INCA1: variants seen among roughly 807,000 people sequenced by gnomAD.
INCA1 encodes the protein inhibitor of CDK, cyclin A1 interacting protein 1, also known as protein INCA1.
Under a neutral mutation model 25.7 loss-of-function variants are expected in INCA1, and 28 were observed. The observed-to-expected ratio is 1.09, with a 90% CI of 0.81 to 1.49. The LOEUF is 1.49. Ranked by LOEUF, INCA1 falls within the 40% of genes most tolerant of loss-of-function variation. INCA1 has a pLI of 0.00. For missense variants in INCA1, 309 were observed against 290.9 expected (o/e 1.06, Z -0.45); for synonymous variants, 111 against 103.6 (o/e 1.07, Z -0.43).
chr17:4,993,483 T>C (rs1351921294), intron 2 of INCA1, among the ~76,000 whole-genome samples: 1 of 152,066 alleles, frequency 6.6e-6, no homozygotes, highest in African/African-American at 2.4e-5. Flanking sequence ...CGGCCTTTTT[T>C]TTTGAGACGG....
intron 2 of INCA1, among the ~76,000 whole-genome samples, chr17:4,991,620 A>G (rs1048030485): frequency 6.6e-6 from 1 of 152,022 alleles, no homozygotes; most frequent in Non-Finnish European, 1.5e-5. Context: ...CTCTGTCTTC[A>G]TCTCTTCTTA....
At chr17:4,994,362 C>T in intron 2 of INCA1, 32 bp downstream of exon 2, 1 of 1,609,430 alleles carries the variant, frequency 6.2e-7, no homozygotes, top group Non-Finnish European at 8.5e-7. Context: ...TCCATCCCAT[C>T]CCCATGCTCC....
intron 2 of INCA1, among the ~76,000 whole-genome samples, chr17:4,990,848 A>G (rs1227839383): frequency 6.7e-6 from 1 of 149,528 alleles, no homozygotes; most frequent in East Asian, 2.0e-4. Flanking sequence ...GCGCCATTGC[A>G]CTCCAGCTTG....
Position 4,994,368 on chromosome 17 carries a change from G to C in INCA1, c.44+26C>G. 4 of 1,610,800 alleles carry C rather than the reference G, an allele frequency of 2.5e-6. No homozygotes were observed. The South Asian group carries it at 3.3e-5, about 13-fold the overall frequency. ...AATATCCCCTCCATCCCATCCCCAT[G>C]CTCCCCACCCAGTGGGAGGACTCAC... On this transcript the variant is annotated intron_variant, in intron 2 of 6. Transcript: ENST00000576820.
intron 1 of INCA1, among the ~76,000 whole-genome samples, chr17:4,995,634 A>T (rs191217750): frequency 1.2e-4 from 17 of 146,284 alleles, no homozygotes; most frequent in South Asian, 2.1e-4. Flanking sequence ...ATCTCTATTT[A>T]AAAAAAAAAA....
intron 2 of INCA1, among the ~76,000 whole-genome samples, chr17:4,991,519 A>C (rs986721300): frequency 3.9e-5 from 6 of 152,212 alleles, no homozygotes; most frequent in Non-Finnish European, 7.3e-5. Flanking sequence ...ACTGCTCGTC[A>C]CTTCCAAACC....
exon 5 of INCA1, chr17:4,989,470 T>G (rs1973672377): frequency 6.2e-7 from 1 of 1,613,992 alleles, no homozygotes; most frequent in African/African-American, 1.3e-5. Context: ...CTCCAGGTGG[T>G]AAGTGACAGC....
intron 1 of INCA1, 109 bp from the exon 2 acceptor site, chr17:4,994,584 G>T: frequency 1.4e-6 from 1 of 722,738 alleles, no homozygotes; most frequent in South Asian, 1.5e-5. Context: ...GAGGTCAGGA[G>T]TTCAAGACCA....
rs779878021 is a variant in INCA1 at position 4,989,430 on chromosome 17, G to A, written c.393C>T (p.Asn131=). The change falls in exon 5 of 7, where the codon AAC becomes AAT. Residue 131 remains asparagine (N), a splice_region_variant and synonymous_variant. Transcript: ENST00000576820. ...ACCCAGATGTCTCCCTTCCTTACTC[G>A]TTGATGATGCTCTGACGCCTTCTTA... 10 of 1,611,284 alleles carry A rather than the reference G, an allele frequency of 6.2e-6. No individual in the cohort carries two copies. The Admixed American group carries it at 6.7e-5, about 11-fold the overall frequency.
exon 2 of INCA1, chr17:4,994,424 T>C (rs1227590078): frequency 6.2e-7 from 1 of 1,613,772 alleles, no homozygotes; most frequent in Admixed American, 1.7e-5. Flanking sequence ...GACTCCATCA[T>C]CCTGCACCTG....
intron 2 of INCA1, 105 bp from the exon 3 acceptor site, chr17:4,990,370 A>T (rs1165072540): frequency 7.5e-7 from 1 of 1,330,694 alleles, no homozygotes; most frequent in African/African-American, 1.5e-5. Flanking sequence ...AAAGCTGCCC[A>T]GGTTCCCTCG....
chr17:4,994,372 C>G, intron 2 of INCA1, 22 bp downstream of exon 2: 2 of 1,612,568 alleles, frequency 1.2e-6, no homozygotes, highest in Non-Finnish European at 1.7e-6. Context: ...CCCCATGCTC[C>G]CCACCCAGTG....
upstream of INCA1, chr17:4,997,251 G>A (rs1214651640): frequency 6.6e-6 from 1 of 152,252 alleles, no homozygotes; most frequent in African/African-American, 2.4e-5. Context: ...AGCCCCGCCC[G>A]AGGGCACGAC....
Position 4,995,217 on chromosome 17 carries a change from A to G in INCA1, c.-38-742T>C, listed in dbSNP as rs535044043. Among the ~76,000 whole-genome samples the G allele has an allele frequency of 7.7e-3, 1,177 of 152,056 alleles. 16 individuals carry two copies. The highest frequency in any genetic ancestry group is 0.028 in the African/African-American group (1,142 of 41,496). On this transcript the variant is annotated intron_variant, in intron 1 of 6. Coordinates refer to ENST00000576820, the Ensembl canonical transcript of INCA1. ...AGACTCTGTCTCAAAAAAAAAAAAAAGGTATTTGTAGTGCTGGACTGTTAA... is the reference window on the plus strand; with the variant it reads ...AGACTCTGTCTCAAAAAAAAAAAAAGGGTATTTGTAGTGCTGGACTGTTAA...
chr17:4,988,581 G>C, intron 6 of INCA1, 27 bp from the exon 7 acceptor site: 1 of 1,607,132 alleles, frequency 6.2e-7, no homozygotes, highest in Non-Finnish European at 8.5e-7. Flanking sequence ...AATTGAAAAA[G>C]AAAATGGAAA....
chr17:4,988,360 G>T (rs1331638919), exon 7 of INCA1: 1 of 1,548,682 alleles, frequency 6.5e-7, no homozygotes, highest in Admixed American at 2.1e-5. Flanking sequence ...AACTAGTCTT[G>T]GGTCCCTGGG....
At chr17:4,993,130 T>C (rs567970473) in intron 2 of INCA1, among the ~76,000 whole-genome samples, 1 of 152,086 alleles carries the variant, frequency 6.6e-6, no homozygotes, top group South Asian at 2.1e-4. Flanking sequence ...TCCGCCCGCC[T>C]TGGCCTCCCA....
intron 1 of INCA1, among the ~76,000 whole-genome samples, chr17:4,995,418 T>G (rs1486812362): frequency 6.6e-6 from 1 of 152,052 alleles, no homozygotes; most frequent in Admixed American, 6.6e-5. Flanking sequence ...CAGTGGAGAC[T>G]GGGTGGGGTG....
upstream of INCA1, chr17:4,997,095 G>C (rs1194812001): frequency 2.0e-5 from 3 of 153,010 alleles, no homozygotes; most frequent in Non-Finnish European, 2.9e-5. Context: ...TGCGAGGGTG[G>C]ATGAGGACCC....
Sources: gnomAD v4.1 joint callset for allele counts (sites outside exome capture counted in the v4.1 genomes callset) on GRCh38, gnomAD v4.1.1 for gene constraint, MANE v1.5 for transcripts, NCBI Gene and HGNC (gene_info 2026-07-23, HGNC 2026-07-21) for gene names.